Variants in EMC10 observed in about 807,000 individuals in gnomAD.
The protein encoded by EMC10 is UPF0510 protein INM02.
EMC10 carries 40 observed loss-of-function variants against 32.2 expected under a neutral mutation model. The observed-to-expected ratio is 1.24, with a 90% confidence interval of 0.96 to 1.61. The LOEUF is 1.61. Among genes scored for constraint, EMC10 ranks in the 40% most tolerant of loss-of-function variants. EMC10 has a pLI of 0.00. For missense variants in EMC10, 402 were observed against 357.7 expected, an observed-to-expected ratio of 1.12 and a Z score of -1.00; for synonymous variants, 178 against 158.4, an observed-to-expected ratio of 1.12 and a Z score of -0.93.
In EMC10 at chr19:50,479,000, C is replaced by G; in HGVS notation, c.231C>G (p.Asn77Lys). The G allele has an allele frequency of 6.2e-7, 1 of 1,611,524 alleles. No homozygotes were observed. The highest frequency in any genetic ancestry group is 8.5e-7 in the Non-Finnish European group (1 of 1,179,584). ...GGAAGCGGGGCTCACTGCTCTGGAACCAGCAGGATGGTACCTTGTCCCTGT... is the reference window on the plus strand; with the variant it reads ...GGAAGCGGGGCTCACTGCTCTGGAAGCAGCAGGATGGTACCTTGTCCCTGT... ...NFRKRGSLLW[N>K]QQDGTLSLSQ... Residue 77 changes from asparagine (N) to lysine (K), a missense_variant, in exon 3 of 7, where the codon AAC (asparagine) becomes AAG (lysine). Transcript: ENST00000334976.
Position 50,482,349 on chromosome 19 carries a change from G to T in EMC10, c.*90G>T. The T allele has an allele frequency of 1.5e-6, 1 of 649,660 alleles. No individual in the cohort carries two copies. Among genetic ancestry groups the T allele is most frequent in the South Asian group, 1.9e-5 (1 of 53,972 alleles). The allele number at this position is 649,660 out of a possible 1,614,324, so 40.2% of individuals were successfully genotyped here. On this transcript the variant is annotated 3_prime_UTR_variant, in exon 7 of 7. Transcript: ENST00000334976. ...TGTGTCCTCAGCCATCCCAAGAAGG[G>T]TTTGCTGGTCCCTCCTTTCCCCCCG...
Position 50,482,812 on chromosome 19 carries a change from T to G in EMC10, c.*553T>G. 1 of 524,156 alleles carries G rather than the reference T, an allele frequency of 1.9e-6. No homozygotes were observed. Among genetic ancestry groups the G allele is most frequent in the Non-Finnish European group, 3.4e-6 (1 of 297,976 alleles). The allele number at this position is 524,156 out of a possible 1,614,324, so 32.5% of individuals were successfully genotyped here. ...GAGGCATGAAAGAGTCGGGGCTGGA[T>G]GGCCGGGGGCTTCTGGGCCCGACGC... On this transcript the variant is annotated 3_prime_UTR_variant, in exon 7 of 7. Coordinates refer to ENST00000334976, the MANE Select transcript of EMC10 (RefSeq NM_206538.4).
rs540542125 is a variant in EMC10, at chr19:50,476,544, G to A, written c.-1G>A. On this transcript the variant is annotated 5_prime_UTR_variant, in exon 1 of 7. Coordinates refer to ENST00000334976, the MANE Select transcript of EMC10 (RefSeq NM_206538.4). ...CCCTTCGCTGGTGGGAAGAAGCCGAGATGGCGGCAGCCAGCGCTGGGGCAA... is the reference window on the plus strand; with the variant it reads ...CCCTTCGCTGGTGGGAAGAAGCCGAAATGGCGGCAGCCAGCGCTGGGGCAA... 152 of 1,572,428 alleles carry A rather than the reference G, an allele frequency of 9.7e-5. 1 individual carries two copies. Among genetic ancestry groups the A allele is most frequent in the East Asian group, 1.4e-4 (6 of 42,658 alleles).
At chr19:50,479,548 A>G (rs1458581973) in intron 3 of EMC10, among the ~76,000 whole-genome samples, 3 of 152,112 alleles carry the variant, frequency 2.0e-5, no homozygotes, top group Non-Finnish European at 2.9e-5. Flanking sequence ...CAGGATAGAG[A>G]GGGAGAAAGA....
At position 50,480,491 on chromosome 19, in the gene EMC10, T is replaced by G. The variant is rs1601325981; in HGVS notation, c.403-90T>G. The G allele has an allele frequency of 1.4e-6, 2 of 1,443,268 alleles. No individual in the cohort carries two copies. The highest frequency in any genetic ancestry group is 5.0e-5 in the East Asian group (2 of 40,224). 89.4% of individuals were successfully genotyped at this position (1,443,268 alleles called of 1,614,324 possible). On this transcript the variant is annotated intron_variant, in intron 4 of 6. Coordinates refer to ENST00000334976, the MANE Select transcript of EMC10 (RefSeq NM_206538.4). The surrounding 1 kb of genome is among the most constrained non-coding windows in gnomAD (Gnocchi z 4.4). ...GCCATGGGAAGGTTTTGAAAAATGC[T>G]CCGGGGGTCCTGTGGTGGGGGCCGG...
rs2040363597 is a variant in EMC10 at position 50,484,047 on chromosome 19, A to ATTTTTTTTTTTT, written c.*1788_*1789insTTTTTTTTTTTT. The ATTTTTTTTTTTT allele has an allele frequency of 4.7e-5, 1 of 21,122 alleles. No individual in the cohort carries two copies. 1.3% of individuals were successfully genotyped at this position (21,122 alleles called of 1,614,324 possible). ...TTTTTTTTTTTTTTTTTTTTTTTTGAGGCAGAGTCTCGCTCTGTCATCCAG... is the reference window on the plus strand; with the variant it reads ...TTTTTTTTTTTTTTTTTTTTTTTTGATTTTTTTTTTTTGGCAGAGTCTCGCTCTGTCATCCAG... On this transcript the variant is annotated 3_prime_UTR_variant, in exon 7 of 7. Transcript: ENST00000334976.
intron 6 of EMC10, chr19:50,481,921 C>T (rs1319144882): frequency 2.5e-6 from 4 of 1,604,910 alleles, no homozygotes; most frequent in Non-Finnish European, 3.4e-6. Flanking sequence ...TGCGCCAGGG[C>T]CCGCGCCACC....
Position 50,480,148 on chromosome 19 carries a change from TCCCAAGGCGA to T in EMC10, c.339_348del (p.Arg114GlyfsTer30). 1 of 1,613,474 alleles carries T rather than the reference TCCCAAGGCGA, an allele frequency of 6.2e-7. No individual in the cohort carries two copies. Among genetic ancestry groups the T allele is most frequent in the Non-Finnish European group, 8.5e-7 (1 of 1,179,826 alleles). ...CTGAATGGCCTGTACCGGGTCCGGA[TCCCAAGGCGA>T]CCCGGGGCCCTGGATGGCCTGGAAG... On this transcript the variant is annotated frameshift_variant, in exon 4 of 7. Coordinates refer to ENST00000334976, the MANE Select transcript of EMC10 (RefSeq NM_206538.4). LOFTEE classifies it high-confidence loss of function. The surrounding 1 kb of genome is among the most constrained non-coding windows in gnomAD (Gnocchi z 4.4).
chr19:50,478,526 C>T (rs532289084), intron 2 of EMC10, among the ~76,000 whole-genome samples: 37 of 152,232 alleles, frequency 2.4e-4, no homozygotes, highest in African/African-American at 8.7e-4. Context: ...GAGTCTGAGG[C>T]CCCGAACCTG....
chr19:50,486,606 G>C lies in EMC10; in HGVS notation c.*4347G>C, dbSNP rs1978366370. The stretch of plus-strand genomic sequence containing the variant: ...TTGTACCCACCTTCCAGTCAGCAAG[G>C]CACAACAATGTTGTTACAAAGGAAA... On this transcript the variant is annotated 3_prime_UTR_variant, in exon 7 of 7. Coordinates refer to ENST00000334976, the MANE Select transcript of EMC10 (RefSeq NM_206538.4). The C allele has an allele frequency of 6.6e-6, 1 of 152,086 alleles. No homozygotes were observed. The highest frequency in any genetic ancestry group is 2.4e-5 in the African/African-American group (1 of 41,416). The allele number at this position is 152,086 out of a possible 1,614,324, so 9.4% of individuals were successfully genotyped here.
Position 50,476,560 on chromosome 19 carries a change from G to A in EMC10, c.16G>A (p.Ala6Thr). 6.3e-7 allele frequency: 1 copy of A among 1,574,942 alleles called. No individual in the cohort carries two copies. The highest frequency in any genetic ancestry group is 8.6e-7 in the Non-Finnish European group (1 of 1,166,100). Reference sequence around the variant, plus strand: ...AGAAGCCGAGATGGCGGCAGCCAGCGCTGGGGCAACCCGGCTGCTCCTGCT... The same window carrying A: ...AGAAGCCGAGATGGCGGCAGCCAGCACTGGGGCAACCCGGCTGCTCCTGCT... Reference protein sequence around the residue: MAAASAGATRLLLLLL... With the variant: MAAASTGATRLLLLLL... Residue 6 changes from alanine to threonine, a missense_variant, in exon 1 of 7, where the codon GCT becomes ACT. Coordinates refer to ENST00000334976, the MANE Select transcript of EMC10 (RefSeq NM_206538.4).
intron 6 of EMC10, chr19:50,481,203 G>A (rs2040314750): frequency 5.8e-6 from 3 of 515,962 alleles, no homozygotes; most frequent in Non-Finnish European, 1.0e-5. Context: ...GGTCCTGGGG[G>A]AGGTCTCGGC....
chr19:50,480,619 C>A lies in EMC10; in HGVS notation c.441C>A (p.Thr147=). 2 of 1,574,000 alleles carry A rather than the reference C, an allele frequency of 1.3e-6. No homozygotes were observed. The highest frequency in any genetic ancestry group is 1.7e-6 in the Non-Finnish European group (2 of 1,160,148). ...LVESHLSDQL[T]LHVDVAGNVV... ...AGTCGCACCTGTCGGACCAGCTGAC[C>A]CTGCACGTGGATGTGGCCGGCAACG... The change falls in exon 5 of 7, where the codon ACC becomes ACA. Residue 147 remains threonine, a synonymous_variant. Coordinates refer to ENST00000334976, the MANE Select transcript of EMC10 (RefSeq NM_206538.4). This position sits in a 1 kb window ranked among gnomAD's most constrained non-coding sequence, Gnocchi z 4.4.
In EMC10 at chr19:50,482,720, C is replaced by T. The variant is rs1204666410; in HGVS notation, c.*461C>T. On this transcript the variant is annotated 3_prime_UTR_variant, in exon 7 of 7. Coordinates refer to ENST00000334976, the MANE Select transcript of EMC10 (RefSeq NM_206538.4). ...CTGCAGCGCCCCCCTCACTTTGACA[C>T]TGGACTAGGATGCAGCCTCCCTTCT... 2 of 479,818 alleles carry T rather than the reference C, an allele frequency of 4.2e-6. No homozygotes were observed. The highest frequency in any genetic ancestry group is 3.8e-5 in the Admixed American group (1 of 26,444). The allele number at this position is 479,818 out of a possible 1,614,324, so 29.7% of individuals were successfully genotyped here.
At position 50,483,638 on chromosome 19, in the gene EMC10, C is replaced by G. The variant is rs1053873277; in HGVS notation, c.*1379C>G. 6.5e-6 allele frequency: 1 copy of G among 152,892 alleles called. No homozygotes were observed. The highest frequency in any genetic ancestry group is 1.5e-5 in the Non-Finnish European group (1 of 68,516). 9.5% of individuals were successfully genotyped at this position (152,892 alleles called of 1,614,324 possible). On this transcript the variant is annotated 3_prime_UTR_variant, in exon 7 of 7. Coordinates refer to ENST00000334976, the MANE Select transcript of EMC10 (RefSeq NM_206538.4). ...AGTGCAGTGGCGGTACCTTGACTCA[C>G]TGCGACCTCCACCTCTCAGGCTCAG...
chr19:50,476,645 C>T lies in EMC10; in HGVS notation c.101C>T (p.Thr34Ile). ...RARGSGCRAG[T>I]GARGAGAEGR... Reference sequence around the variant, plus strand: ...CGGGGCAGCGGCTGCCGGGCCGGGACTGGTGCGCGAGGGGTGAGTGCTCTT... The same window carrying T: ...CGGGGCAGCGGCTGCCGGGCCGGGATTGGTGCGCGAGGGGTGAGTGCTCTT... Residue 34 changes from threonine (T) to isoleucine (I), a missense_variant, in exon 1 of 7, where the codon ACT becomes ATT. Physicochemically the swap from Thr to Ile is moderately conservative, Grantham distance 89. Transcript: ENST00000334976. 6.5e-7 allele frequency: 1 copy of T among 1,538,188 alleles called. No homozygotes were observed.
In EMC10 at chr19:50,480,034, G is replaced by A. The variant is rs1453483794; in HGVS notation, c.298-77G>A. 10 of 1,217,654 alleles carry A rather than the reference G, an allele frequency of 8.2e-6. No homozygotes were observed. The highest frequency in any genetic ancestry group is 4.6e-5 in the Admixed American group (2 of 43,344). The allele number at this position is 1,217,654 out of a possible 1,614,324, so 75.4% of individuals were successfully genotyped here. ...GGTGGGGCTGGAGAGGGGCCTTCGC[G>A]GAGGCCTGGTGGGCATCACAGCCTG... On this transcript the variant is annotated intron_variant, in intron 3 of 6. Coordinates refer to ENST00000334976, the MANE Select transcript of EMC10 (RefSeq NM_206538.4). This position sits in a 1 kb window ranked among gnomAD's most constrained non-coding sequence, Gnocchi z 4.4.
Position 50,487,578 on chromosome 19 carries a change from T to C in EMC10, c.*5319T>C, listed in dbSNP as rs1414523443. 1 of 152,424 alleles carries C rather than the reference T, an allele frequency of 6.6e-6. No individual in the cohort carries two copies. Among genetic ancestry groups the C allele is most frequent in the African/African-American group, 2.4e-5 (1 of 41,462 alleles). 9.4% of individuals were successfully genotyped at this position (152,424 alleles called of 1,614,324 possible). A position where few individuals can be genotyped will look rare whatever the true frequency, so the allele number is the denominator to read the frequency against. ...TGGGCCTCAGGCTTGGGGGCCCTGC[T>C]CAGGGCTAGCCTGTTTGGGCCTCGG... On this transcript the variant is annotated 3_prime_UTR_variant, in exon 7 of 7. Coordinates refer to ENST00000334976, the MANE Select transcript of EMC10 (RefSeq NM_206538.4).
intron 2 of EMC10, 90 bp downstream of exon 2, chr19:50,478,091 A>G (rs983080877): frequency 1.9e-6 from 2 of 1,060,172 alleles, no homozygotes; most frequent in Non-Finnish European, 2.7e-6. Flanking sequence ...GTCGTATGAC[A>G]TTTACTAACA....
Sources: gnomAD v4.1 joint callset for allele counts (sites outside exome capture counted in the v4.1 genomes callset) on GRCh38, gnomAD v4.1.1 for gene constraint, Gnocchi (gnomAD v3.1) non-coding constraint, MANE v1.5 for transcripts, NCBI Gene and HGNC (gene_info 2026-07-23, HGNC 2026-07-21) for gene names.